CCDC180: variants seen among roughly 807,000 people sequenced by gnomAD.
CCDC180 encodes coiled-coil domain containing 180.
In CCDC180, 154 loss-of-function variants were observed where a neutral mutation model predicts 209.2. That is an observed-to-expected ratio of 0.74 (90% CI 0.65 to 0.84). The LOEUF is 0.84. CCDC180 is among the 40% of genes least tolerant of loss of function. CCDC180 has a pLI of 0.00. For missense variants in CCDC180, 1,874 were observed against 1,997.3 expected, an observed-to-expected ratio of 0.94 and a Z score of 1.18; for synonymous variants, 778 against 749.1, an observed-to-expected ratio of 1.04 and a Z score of -0.63.
At chr9:97,313,856 T>G (rs755478079) in intron 5 of CCDC180, among the ~76,000 whole-genome samples, 10 of 152,232 alleles carry the variant, frequency 6.6e-5, no homozygotes, top group Non-Finnish European at 1.0e-4. Context: ...CCCTTCTGGA[T>G]TGCCCTGAGC....
chr9:97,343,584 T>C, intron 19 of CCDC180, 21 bp downstream of exon 19: 1 of 1,516,224 alleles, frequency 6.6e-7, no homozygotes, highest in South Asian at 1.1e-5. Context: ...AACTATTTTA[T>C]TCTCATCCTG....
rs557911809 is a variant in CCDC180 at position 97,320,849 on chromosome 9, A to G, written c.1159+644A>G. Among the ~76,000 whole-genome samples the G allele has an allele frequency of 5.9e-5, 9 of 152,190 alleles. No individual in the cohort carries two copies. In the South Asian group the frequency reaches 1.9e-3, roughly 32 times the overall value. On this transcript the variant is annotated intron_variant, in intron 11 of 36. Coordinates refer to ENST00000529487, the MANE Select transcript of CCDC180 (RefSeq NM_020893.6). ...GTATTGTGTGGCTGTTTTCACTGTA[A>G]ATGGCAGAGATGAAAGCAGATAGCC...
intron 19 of CCDC180, among the ~76,000 whole-genome samples, chr9:97,344,708 C>T (rs1826196905): frequency 6.6e-6 from 1 of 151,988 alleles, no homozygotes; most frequent in African/African-American, 2.4e-5. Context: ...TTATGACTAA[C>T]CAGAAAAAAA....
chr9:97,359,914 C>T, intron 25 of CCDC180, 68 bp from the exon 26 acceptor site: 1 of 1,591,280 alleles, frequency 6.3e-7, no homozygotes, highest in South Asian at 1.1e-5. Context: ...TCCCGCACTT[C>T]CCACAGAATC....
intron 20 of CCDC180, 43 bp from the exon 21 acceptor site, chr9:97,349,068 G>A (rs914563045): frequency 7.9e-6 from 12 of 1,517,220 alleles, no homozygotes; most frequent in Non-Finnish European, 1.1e-5. Context: ...GTGCTGAGGT[G>A]AATCGGGTCC....
chr9:97,344,886 A>C (rs2118787865), intron 19 of CCDC180, among the ~76,000 whole-genome samples: 1 of 152,316 alleles, frequency 6.6e-6, no homozygotes, highest in Non-Finnish European at 1.5e-5. Context: ...ACCCATCCCA[A>C]GTCACCACTC....
At chr9:97,316,035 G>T (rs945383417) in intron 8 of CCDC180, among the ~76,000 whole-genome samples, 2 of 152,200 alleles carry the variant, frequency 1.3e-5, no homozygotes, top group Non-Finnish European at 2.9e-5. Flanking sequence ...GTCAGGACTT[G>T]TTGGGAGGAT....
chr9:97,315,308 G>A (rs963731792), intron 8 of CCDC180, among the ~76,000 whole-genome samples: 1 of 152,014 alleles, frequency 6.6e-6, no homozygotes, highest in African/African-American at 2.4e-5. Context: ...TGGAGTCATC[G>A]GGGGGCTACG....
intron 25 of CCDC180, among the ~76,000 whole-genome samples, chr9:97,358,549 G>C (rs1477531149): frequency 6.6e-6 from 1 of 152,162 alleles, no homozygotes; most frequent in Non-Finnish European, 1.5e-5. Context: ...CTCAGAGCAG[G>C]TCTCTGGTTG....
intron 19 of CCDC180, 77 bp downstream of exon 19, chr9:97,343,640 AGGATTGGGCTGGTATCAGTTGGAT>A: frequency 5.6e-6 from 6 of 1,069,292 alleles, no homozygotes; most frequent in East Asian, 2.6e-5. Context: ...AAAAAAAAAA[AGGATTGGGCTGGTATCAGTTGGAT>A]AAAGAAAAAA....
intron 20 of CCDC180, 60 bp downstream of exon 20, chr9:97,347,549 C>A: frequency 6.8e-7 from 1 of 1,466,840 alleles, no homozygotes; most frequent in Non-Finnish European, 9.1e-7. Flanking sequence ...GCGTCTGCTC[C>A]ACCGCGGCTC....
intron 28 of CCDC180, chr9:97,363,685 G>A: frequency 2.0e-6 from 1 of 501,152 alleles, no homozygotes; most frequent in Non-Finnish European, 4.1e-6. Context: ...AAATGGGCGT[G>A]CTGTATTGTT....
chr9:97,322,493 A>G (rs1160545903), intron 11 of CCDC180, among the ~76,000 whole-genome samples: 1 of 152,206 alleles, frequency 6.6e-6, no homozygotes, highest in Non-Finnish European at 1.5e-5. Context: ...GATGAACCAC[A>G]GATAGGATCA....
chr9:97,362,289 T>C lies in CCDC180; in HGVS notation c.3750T>C (p.Ser1250=), dbSNP rs1253547584. The C allele has an allele frequency of 6.2e-7, 1 of 1,614,008 alleles. No homozygotes were observed. Among genetic ancestry groups the C allele is most frequent in the Non-Finnish European group, 8.5e-7 (1 of 1,180,016 alleles). ...GAWACGSRGS[S]EAGAGGAVCS... ...GGGCCTGTGGGTCTCGGGGCAGCAG[T>C]GAGGCAGGGGCTGGTGGTGCTGTGT... The change falls in exon 28 of 37, where the codon AGT becomes AGC. Residue 1250 remains serine, a synonymous_variant. Coordinates refer to ENST00000529487, the MANE Select transcript of CCDC180 (RefSeq NM_020893.6).
At chr9:97,313,366 T>C (rs1833055060) in intron 5 of CCDC180, 21 bp downstream of exon 5, 1 of 1,528,630 alleles carries the variant, frequency 6.5e-7, no homozygotes, top group African/African-American at 1.4e-5. Context: ...TCCCTCTCCC[T>C]TCTCTTCCCT....
At chr9:97,338,322 C>T (rs1158433075) in intron 18 of CCDC180, among the ~76,000 whole-genome samples, 9 of 152,188 alleles carry the variant, frequency 5.9e-5, no homozygotes, top group African/African-American at 1.7e-4. Flanking sequence ...TCCCTCTACA[C>T]GCTGCTTTAA....
chr9:97,339,059 C>T (rs914923556), intron 18 of CCDC180, among the ~76,000 whole-genome samples: 15 of 151,754 alleles, frequency 9.9e-5, no homozygotes, highest in African/African-American at 1.7e-4. Flanking sequence ...TGTCTCTGCA[C>T]GTGAGATAGG....
At position 97,343,532 on chromosome 9, in the gene CCDC180, C is replaced by T. The variant is rs139901629; in HGVS notation, c.2467C>T (p.Pro823Ser). Residue 823 changes from proline (P) to serine (S), a missense_variant, in exon 19 of 37, where the codon CCA becomes TCA. By Grantham distance (74) the Pro-to-Ser change is moderately conservative. Coordinates refer to ENST00000529487, the MANE Select transcript of CCDC180 (RefSeq NM_020893.6). ...CAAGTTCATAGAACAAGTGACAATT[C>T]CATCGAGACTAATTTTAGAAATTAA... ...SAKFIEQVTI[P>S]SRLILEIKKQ... is the part of the protein sequence containing the mutation. The T allele has an allele frequency of 2.4e-5, 38 of 1,613,246 alleles. No individual in the cohort carries two copies. The African/African-American group carries it at 4.7e-4, about 20-fold the overall frequency.
intron 25 of CCDC180, among the ~76,000 whole-genome samples, chr9:97,359,425 G>A (rs1019799954): frequency 3.3e-4 from 51 of 152,324 alleles, no homozygotes; most frequent in Non-Finnish European, 5.7e-4. Context: ...AGTCTGCAGA[G>A]CGGTGATTAG....
Sources: allele counts gnomAD v4.1 joint callset (sites outside exome capture counted in the v4.1 genomes callset), GRCh38; gene constraint gnomAD v4.1.1; transcripts MANE v1.5; gene names NCBI Gene and HGNC (gene_info 2026-07-23, HGNC 2026-07-21).